Variants in CSGALNACT1 observed in about 807,000 individuals in gnomAD.
CSGALNACT1 encodes beta4GalNAcT-1.
Under a neutral mutation model 51.0 loss-of-function variants are expected in CSGALNACT1, and 52 were observed. The ratio of observed to expected loss-of-function variants is 1.02; its 90% confidence interval spans 0.82 to 1.29. CSGALNACT1 has a LOEUF of 1.29. CSGALNACT1 is among the 50% of genes most tolerant of loss of function. The probability of loss-of-function intolerance (pLI) is 0.00; values close to 1 mark genes in which losing one functional copy is unlikely to be tolerated. For synonymous variants in CSGALNACT1, 341 were observed against 254.4 expected (o/e 1.34, Z -3.24); for missense variants, 935 against 679.2 (o/e 1.38, Z -4.19).
intron 5 of CSGALNACT1, among the ~76,000 whole-genome samples, chr8:19,450,290 G>A (rs1483405201): frequency 6.8e-6 from 1 of 146,558 alleles, no homozygotes; most frequent in Non-Finnish European, 1.5e-5. Flanking sequence ...GAGGGAGGAG[G>A]AGAAGGAGGA....
At chr8:19,616,863 C>T (rs1365589678) in intron 1 of CSGALNACT1, among the ~76,000 whole-genome samples, 3 of 152,054 alleles carry the variant, frequency 2.0e-5, no homozygotes, top group African/African-American at 7.3e-5. Flanking sequence ...TTTTTGGCAC[C>T]AAGGAATGGT....
chr8:19,464,636 G>C (rs924615101), intron 4 of CSGALNACT1, among the ~76,000 whole-genome samples: 5 of 152,142 alleles, frequency 3.3e-5, no homozygotes, highest in African/African-American at 1.2e-4. Context: ...GACTGCCTGA[G>C]CTCTGCCTGC....
intron 1 of CSGALNACT1, among the ~76,000 whole-genome samples, chr8:19,668,700 G>A (rs11989006): frequency 0.075 from 11,408 of 152,108 alleles, 631 homozygotes; most frequent in African/African-American, 0.15. Context: ...CATTAAAGGC[G>A]AGCGCCACCA....
At chr8:19,581,005 T>G (rs557584693) in intron 3 of CSGALNACT1, among the ~76,000 whole-genome samples, 5 of 152,060 alleles carry the variant, frequency 3.3e-5, no homozygotes, top group African/African-American at 4.8e-5. Flanking sequence ...TTAAGTCACA[T>G]TTAAGACAGG....
chr8:19,675,458 A>C (rs2060106234), intron 1 of CSGALNACT1, among the ~76,000 whole-genome samples: 1 of 152,048 alleles, frequency 6.6e-6, no homozygotes, highest in Non-Finnish European at 1.5e-5. Context: ...CAGAGAGGAG[A>C]GAGCTGGAGA....
At chr8:19,422,291 G>A (rs1313810535) in intron 6 of CSGALNACT1, among the ~76,000 whole-genome samples, 1 of 152,116 alleles carries the variant, frequency 6.6e-6, no homozygotes, top group Non-Finnish European at 1.5e-5. Context: ...CTGGGCTCAA[G>A]CAATCCTCTT....
At chr8:19,420,260 T>A in intron 7 of CSGALNACT1, 80 bp downstream of exon 6, 1 of 1,264,652 alleles carries the variant, frequency 7.9e-7, no homozygotes, top group South Asian at 1.2e-5. Context: ...GACATCAGAG[T>A]GACTGACCCA....
rs552090300 is a variant in CSGALNACT1, at chr8:19,583,609, C to T, written c.-297+7551G>A. Among the ~76,000 whole-genome samples, 7 of 152,316 alleles carry T rather than the reference C, an allele frequency of 4.6e-5. 1 individual carries two copies. The South Asian group carries it at 1.4e-3, about 32-fold the overall frequency. ...TCTACTAATAAGCAAGTATAATTCA[C>T]AACAACATAGCAGCAGAGAAGTACA... On this transcript the variant is annotated intron_variant, in intron 3 of 9. Transcript: ENST00000454498.
At chr8:19,704,361 T>G (rs2062042057) in intron 1 of CSGALNACT1, among the ~76,000 whole-genome samples, 1 of 152,254 alleles carries the variant, frequency 6.6e-6, no homozygotes, top group South Asian at 2.1e-4. Context: ...TTCTTGCATA[T>G]CAAAACCACA....
intron 4 of CSGALNACT1, among the ~76,000 whole-genome samples, chr8:19,481,650 A>C (rs1563646945): frequency 6.6e-6 from 1 of 152,168 alleles, no homozygotes; most frequent in Non-Finnish European, 1.5e-5. Context: ...AAAATTTTAT[A>C]ATCAAAATGA....
At chr8:19,472,395 C>A (rs542361012) in intron 4 of CSGALNACT1, among the ~76,000 whole-genome samples, 1 of 152,366 alleles carries the variant, frequency 6.6e-6, no homozygotes, top group Non-Finnish European at 1.5e-5. Flanking sequence ...CGTCCATATG[C>A]AACTTACCAC....
chr8:19,404,895 T>C (rs1414346106), exon 10 of CSGALNACT1: 1 of 454,434 alleles, frequency 2.2e-6, no homozygotes, highest in Non-Finnish European at 4.4e-6. Flanking sequence ...TCAGAGAAAG[T>C]ATCTGTACGT....
chr8:19,435,524 C>G (rs2060248219), intron 6 of CSGALNACT1, among the ~76,000 whole-genome samples: 1 of 151,824 alleles, frequency 6.6e-6, no homozygotes, highest in Admixed American at 6.6e-5. Context: ...TTACATAGCT[C>G]CAAGCGAGTA....
intron 1 of CSGALNACT1, among the ~76,000 whole-genome samples, chr8:19,739,577 G>A (rs1229417893): frequency 1.3e-5 from 2 of 152,156 alleles, no homozygotes; most frequent in Admixed American, 6.5e-5. Context: ...CCACACAAGT[G>A]AACCCTGGCT....
At chr8:19,530,962 C>A (rs2082658786) in intron 3 of CSGALNACT1, among the ~76,000 whole-genome samples, 1 of 152,198 alleles carries the variant, frequency 6.6e-6, no homozygotes, top group African/African-American at 2.4e-5. Context: ...CCACTCCCCA[C>A]AGAAACTGTC....
At chr8:19,416,046 G>A (rs1248610852) in intron 8 of CSGALNACT1, among the ~76,000 whole-genome samples, 1 of 151,722 alleles carries the variant, frequency 6.6e-6, no homozygotes, top group Non-Finnish European at 1.5e-5. Flanking sequence ...TCAACAACAG[G>A]CTGCATATGA....
chr8:19,574,998 G>A lies in CSGALNACT1; in HGVS notation c.-297+16162C>T, dbSNP rs1256254674. ...TGCAGTGAGGTGAGATAGCGCCACT[G>A]CACTCCAGCCTGACAACAGAGCGAG... On this transcript the variant is annotated intron_variant, in intron 3 of 9. Transcript: ENST00000454498. Among the ~76,000 whole-genome samples, 5 of 151,432 alleles carry A rather than the reference G, an allele frequency of 3.3e-5. No individual in the cohort carries two copies. The South Asian group carries it at 1.0e-3, about 32-fold the overall frequency.
At chr8:19,575,371 C>T (rs910858449) in intron 3 of CSGALNACT1, among the ~76,000 whole-genome samples, 1 of 152,188 alleles carries the variant, frequency 6.6e-6, no homozygotes, top group Admixed American at 6.5e-5. Flanking sequence ...TACAGCACCA[C>T]CTATTAAGTA....
intron 1 of CSGALNACT1, among the ~76,000 whole-genome samples, chr8:19,613,040 C>T (rs76015831): frequency 7.1e-6 from 1 of 140,790 alleles, no homozygotes; most frequent in African/African-American, 2.7e-5. Flanking sequence ...ATTTTCATAT[C>T]CATATTTTGG....
Sources: allele counts gnomAD v4.1 joint callset (sites outside exome capture counted in the v4.1 genomes callset), GRCh38; gene constraint gnomAD v4.1.1; transcripts MANE v1.5; gene names NCBI Gene and HGNC (gene_info 2026-07-23, HGNC 2026-07-21).